Variants in ATP2A2 observed in about 807,000 individuals in gnomAD.
ATP2A2 encodes ATPase sarcoplasmic/endoplasmic reticulum Ca2+ transporting 2.
ATP2A2 carries 14 observed loss-of-function variants against 109.3 expected under a neutral mutation model. The observed-to-expected ratio is 0.13, with a 90% CI of 0.08 to 0.20. The LOEUF is 0.20. ATP2A2 is among the 10% of genes least tolerant of loss of function. The pLI is 1.00. For synonymous variants in ATP2A2, 506 were observed against 490.9 expected, an observed-to-expected ratio of 1.03 and a Z score of -0.41; for missense variants, 657 against 1,321.6, an observed-to-expected ratio of 0.50 and a Z score of 7.80.
At chr12:110,343,484 G>A (rs1472071004) in intron 16 of ATP2A2, 50 bp downstream of exon 16, 1 of 1,601,304 alleles carries the variant, frequency 6.2e-7, no homozygotes, top group Non-Finnish European at 8.6e-7. Flanking sequence ...ATGTTTGTGA[G>A]CTGAAATTTT....
Position 110,347,038 on chromosome 12 carries a change from CTCCCCACCTT to C in ATP2A2, c.*569_*578del, listed in dbSNP as rs369675461. On this transcript the variant is annotated 3_prime_UTR_variant, in exon 20 of 20. Transcript: ENST00000539276. The stretch of plus-strand genomic sequence containing the variant: ...CCGTTCACCCCACCCCACCCCACCT[CTCCCCACCTT>C]ACCCCCGCCCCGCTTGGCTTCTTCT... 247 of 1,039,352 alleles carry C rather than the reference CTCCCCACCTT, an allele frequency of 2.4e-4. 1 individual carries two copies. The African/African-American group carries it at 4.2e-3, about 18-fold the overall frequency. The allele number at this position is 1,039,352 out of a possible 1,614,324, so 64.4% of individuals were successfully genotyped here.
intron 3 of ATP2A2, among the ~76,000 whole-genome samples, chr12:110,288,101 CTTTTTTTTTTTT>C (rs71083111): frequency 1.1e-5 from 1 of 87,300 alleles, no homozygotes; most frequent in Non-Finnish European, 2.1e-5. Context: ...ATGCTTTGCC[CTTTTTTTTTTTT>C]TTTTTTTTTT....
intron 5 of ATP2A2, among the ~76,000 whole-genome samples, chr12:110,317,570 G>A (rs1876801765): frequency 6.6e-6 from 1 of 152,096 alleles, no homozygotes; most frequent in Admixed American, 6.6e-5. Context: ...TAGAGACGGA[G>A]TTTCACCATG....
chr12:110,341,229 A>G (rs3026479), intron 14 of ATP2A2, among the ~76,000 whole-genome samples: 8,799 of 152,268 alleles, frequency 0.058, 336 homozygotes, highest in Middle Eastern at 0.099. Context: ...CAGAGGAACA[A>G]TCTGGTGATC....
At position 110,349,604 on chromosome 12, in the gene ATP2A2, G is replaced by T. The variant is rs1436164491; in HGVS notation, c.*3134G>T. The stretch of plus-strand genomic sequence containing the variant: ...GCTGCTCCCACATCCCCTCGGACTG[G>T]AGCTTCAGCCCTGACTGAGGTGGGC... On this transcript the variant is annotated 3_prime_UTR_variant, in exon 20 of 20. Transcript: ENST00000539276. The T allele has an allele frequency of 1.1e-5, 11 of 986,346 alleles. No homozygotes were observed. In the South Asian group the frequency reaches 5.2e-4, roughly 46 times the overall value. 61.1% of individuals were successfully genotyped at this position (986,346 alleles called of 1,614,324 possible).
Position 110,295,048 on chromosome 12 carries a change from A to T in ATP2A2, c.325-1551A>T, listed in dbSNP as rs537314662. Among the ~76,000 whole-genome samples the T allele has an allele frequency of 1.2e-4, 19 of 152,050 alleles. No individual in the cohort carries two copies. The South Asian group carries it at 3.7e-3, about 30-fold the overall frequency. On this transcript the variant is annotated intron_variant, in intron 4 of 19. Coordinates refer to ENST00000539276, the MANE Select transcript of ATP2A2 (RefSeq NM_170665.4). ...TGGCCAGGCTGGTCTCGCACTCCCAACCTCAGGCGATCCGCCCACCTCAGC... is the reference window on the plus strand; with the variant it reads ...TGGCCAGGCTGGTCTCGCACTCCCATCCTCAGGCGATCCGCCCACCTCAGC...
chr12:110,343,536 G>A (rs1592865323), intron 16 of ATP2A2, 102 bp downstream of exon 16: 11 of 1,321,520 alleles, frequency 8.3e-6, no homozygotes, highest in Middle Eastern at 4.1e-4. Flanking sequence ...TTCTATCCCC[G>A]TATAGGGTAG....
rs372776473 is a variant in ATP2A2 at position 110,341,001 on chromosome 12, A to T, written c.2097+7A>T. The T allele has an allele frequency of 6.2e-7, 1 of 1,613,674 alleles. No individual in the cohort carries two copies. The highest frequency in any genetic ancestry group is 1.3e-5 in the African/African-American group (1 of 74,914). ...TGATGAGATTACAGCTATGGTGAGC[A>T]TGTTTGAACATGTACAGGTGACTCA... On this transcript the variant is annotated splice_region_variant and intron_variant, in intron 14 of 19. Coordinates refer to ENST00000539276, the MANE Select transcript of ATP2A2 (RefSeq NM_170665.4).
chr12:110,288,001 G>A (rs556818074), intron 3 of ATP2A2, among the ~76,000 whole-genome samples: 27 of 151,806 alleles, frequency 1.8e-4, no homozygotes, highest in Non-Finnish European at 3.7e-4. Flanking sequence ...ATGCAGTGGT[G>A]CGATTATAGC....
rs34738611 is a variant in ATP2A2 at position 110,291,640 on chromosome 12, C to CT, written c.220-360dup. On this transcript the variant is annotated intron_variant, in intron 3 of 19. Transcript: ENST00000539276. Reference sequence around the variant, plus strand: ...ATCATAATCCCTTTAGTGCTAGCCACTTTTTTTTTTTTTTTTTTTTGAGTT... The same window carrying CT: ...ATCATAATCCCTTTAGTGCTAGCCACTTTTTTTTTTTTTTTTTTTTTGAGTT... Among the ~76,000 whole-genome samples, 720 of 116,124 alleles carry CT rather than the reference C, an allele frequency of 6.2e-3. 6 individuals carry two copies. Among genetic ancestry groups the CT allele is most frequent in the East Asian group, 0.019 (82 of 4,216 alleles). The allele number at this position is 116,124 out of a possible 152,430, so 76.2% of individuals were successfully genotyped here.
chr12:110,311,803 C>T (rs1876107150), intron 5 of ATP2A2, among the ~76,000 whole-genome samples: 1 of 150,714 alleles, frequency 6.6e-6, no homozygotes. Context: ...TTTGGGAGGC[C>T]ATGGCAGGAG....
At position 110,340,791 on chromosome 12, in the gene ATP2A2, G is replaced by A; in HGVS notation, c.1894G>A (p.Val632Met). ...MITGDNKGTA[V>M]AICRRIGIFG... ...CACTGGGGACAACAAGGGCACTGCT[G>A]TGGCCATCTGTCGCCGCATCGGCAT... The change falls in exon 14 of 20, where the codon GTG becomes ATG. Residue 632 changes from valine (V) to methionine (M), a missense_variant. Val to Met is a conservative substitution (Grantham distance 21, BLOSUM62 1). This residue lies in a region of ATP2A2 where 180 missense variants were observed against 329.1 expected (regional missense o/e 0.55). Transcript: ENST00000539276. This position sits in a 1 kb window ranked among gnomAD's most constrained non-coding sequence, Gnocchi z 6.0. 6.2e-7 allele frequency: 1 copy of A among 1,614,190 alleles called. No individual in the cohort carries two copies. The highest frequency in any genetic ancestry group is 8.5e-7 in the Non-Finnish European group (1 of 1,180,040).
At chr12:110,302,927 G>A (rs1874838386) in intron 5 of ATP2A2, among the ~76,000 whole-genome samples, 1 of 152,106 alleles carries the variant, frequency 6.6e-6, no homozygotes, top group African/African-American at 2.4e-5. Context: ...CCAGCTGTGT[G>A]AGACATTGGG....
At chr12:110,344,379 C>T (rs1480464988) in intron 16 of ATP2A2, among the ~76,000 whole-genome samples, 1 of 152,164 alleles carries the variant, frequency 6.6e-6, no homozygotes, top group Non-Finnish European at 1.5e-5. Flanking sequence ...CTGCTGAGGG[C>T]AGGGCCATGC....
chr12:110,334,509 T>G, intron 11 of ATP2A2, among the ~76,000 whole-genome samples: 1 of 152,068 alleles, frequency 6.6e-6, no homozygotes, highest in Admixed American at 6.5e-5. Flanking sequence ...AATAATAGTG[T>G]CTTTCTATCT....
chr12:110,310,459 G>GT (rs1404912361), intron 5 of ATP2A2, among the ~76,000 whole-genome samples: 1 of 152,222 alleles, frequency 6.6e-6, no homozygotes, highest in Non-Finnish European at 1.5e-5. Context: ...GGGGCTTCTA[G>GT]TATATGCCGC....
chr12:110,333,774 T>C (rs1458541469), intron 10 of ATP2A2, among the ~76,000 whole-genome samples: 1 of 152,238 alleles, frequency 6.6e-6, no homozygotes, highest in Non-Finnish European at 1.5e-5. Context: ...CTGTGTTTGA[T>C]GTCATCTTAT....
chr12:110,346,693 CTATTT>C lies in ATP2A2; in HGVS notation c.*227_*231del. 7.1e-7 allele frequency: 1 copy of C among 1,406,648 alleles called. No individual in the cohort carries two copies. The allele number at this position is 1,406,648 out of a possible 1,614,324, so 87.1% of individuals were successfully genotyped here. The stretch of plus-strand genomic sequence containing the variant: ...CATTGACATGTACAGAGAACTAACA[CTATTT>C]TATGCAAATATTTTTTTGTAGATGA... On this transcript the variant is annotated 3_prime_UTR_variant, in exon 20 of 20. Transcript: ENST00000539276.
At chr12:110,294,048 T>A (rs1873687864) in intron 4 of ATP2A2, among the ~76,000 whole-genome samples, 1 of 151,282 alleles carries the variant, frequency 6.6e-6, no homozygotes, top group Admixed American at 6.6e-5. Context: ...GGCTGTTGTT[T>A]TTTTTGTTTT....
Sources: gnomAD v4.1 joint callset for allele counts (sites outside exome capture counted in the v4.1 genomes callset) on GRCh38, gnomAD v4.1.1 for gene constraint, gnomAD v4.1.1 regional missense constraint, Gnocchi (gnomAD v3.1) non-coding constraint, MANE v1.5 for transcripts, NCBI Gene and HGNC (gene_info 2026-07-23, HGNC 2026-07-21) for gene names.